The following EPHB1 variants were observed in gnomAD, a reference collection of about 807,000 sequenced individuals.
EPHB1 encodes ephrin type-B receptor 1.
EPHB1 carries 30 observed loss-of-function variants against 94.4 expected under a neutral mutation model. The observed-to-expected ratio is 0.32, with a 90% confidence interval of 0.24 to 0.43. EPHB1 has a LOEUF of 0.43. Ranked by LOEUF, EPHB1 falls within the 20% of genes least tolerant of loss-of-function variation. EPHB1 has a pLI of 1.00. For synonymous variants in EPHB1, 522 were observed against 489.1 expected (o/e 1.07, Z -0.89); for missense variants, 1,055 against 1,308.3 (o/e 0.81, Z 2.99).
At chr3:135,126,922 G>T (rs1940230764) in intron 4 of EPHB1, among the ~76,000 whole-genome samples, 1 of 152,126 alleles carries the variant, frequency 6.6e-6, no homozygotes, top group Non-Finnish European at 1.5e-5. Flanking sequence ...GCTGAATTAG[G>T]TCAGTCTTAA....
At chr3:134,871,115 G>C (rs2037490111) in intron 1 of EPHB1, among the ~76,000 whole-genome samples, 1 of 152,114 alleles carries the variant, frequency 6.6e-6, no homozygotes. Flanking sequence ...TAGGCTAGAG[G>C]GAAGTCATAA....
At chr3:135,102,152 C>T (rs1299941115) in intron 3 of EPHB1, among the ~76,000 whole-genome samples, 2 of 152,182 alleles carry the variant, frequency 1.3e-5, no homozygotes, top group African/African-American at 4.8e-5. Context: ...CCTTAAGTTG[C>T]CTGAAAGTGC....
chr3:135,258,147 A>G (rs948410389), intron 15 of EPHB1, among the ~76,000 whole-genome samples: 1 of 152,184 alleles, frequency 6.6e-6, no homozygotes, highest in Non-Finnish European at 1.5e-5. Context: ...TCAGATGGAA[A>G]TGCAGAAATC....
chr3:135,164,451 G>A (rs1395190638), intron 7 of EPHB1, among the ~76,000 whole-genome samples: 1 of 152,186 alleles, frequency 6.6e-6, no homozygotes, highest in Non-Finnish European at 1.5e-5. Flanking sequence ...GGAGGGGTCT[G>A]GAAACAGTCA....
Position 134,850,073 on chromosome 3 carries a change from T to A in EPHB1, c.58+54384T>A, listed in dbSNP as rs1025400186. On this transcript the variant is annotated intron_variant, in intron 1 of 15. Transcript: ENST00000398015. ...TCTCAACTGCTTCTGAGGGGCTGTG[T>A]ACTGTGGCTCCAGGGAAGACAGGGC... 8.5e-5 allele frequency among the ~76,000 whole-genome samples: 13 copies of A among 152,286 alleles called. No homozygotes were observed. In the East Asian group the frequency reaches 2.5e-3, roughly 29 times the overall value.
chr3:135,236,468 T>C (rs1390107762), intron 12 of EPHB1, among the ~76,000 whole-genome samples: 1 of 152,190 alleles, frequency 6.6e-6, no homozygotes, highest in Non-Finnish European at 1.5e-5. Flanking sequence ...ATGTCTTTTG[T>C]GGGGATATAA....
intron 3 of EPHB1, among the ~76,000 whole-genome samples, chr3:135,005,936 G>A (rs890635935): frequency 2.0e-5 from 3 of 152,180 alleles, no homozygotes; most frequent in Non-Finnish European, 4.4e-5. Flanking sequence ...GCTCAGGCTG[G>A]GAGCTGTAGA....
chr3:135,100,030 G>A (rs556630203), intron 3 of EPHB1, among the ~76,000 whole-genome samples: 1 of 152,174 alleles, frequency 6.6e-6, no homozygotes. Context: ...TTAAGCAGGG[G>A]ATGAATATTC....
rs765393605 is a variant in EPHB1 at position 135,249,408 on chromosome 3, C to T, written c.2763C>T (p.Ser921=). 7.8e-5 allele frequency: 126 copies of T among 1,613,906 alleles called. No individual in the cohort carries two copies. Among genetic ancestry groups the T allele is most frequent in the East Asian group, 1.6e-4 (7 of 44,898 alleles). ...TTACCACCGTGGATGACTGGCTCAG[C>T]GCCATCAAAATGGTCCAGTACAGGG... The part of the protein sequence containing the change: ...TAFTTVDDWL[S]AIKMVQYRDS... The change falls in exon 15 of 16, where the codon AGC becomes AGT. Residue 921 remains serine (S), a synonymous_variant. Coordinates refer to ENST00000398015, the MANE Select transcript of EPHB1 (RefSeq NM_004441.5).
intron 4 of EPHB1, 75 bp from the exon 5 acceptor site, chr3:135,132,639 C>G (rs902534364): frequency 7.3e-7 from 1 of 1,367,064 alleles, no homozygotes; most frequent in Non-Finnish European, 9.9e-7. Flanking sequence ...GGGAATGCAC[C>G]AGAGGCAGAC....
chr3:135,126,293 TA>T (rs1250644755), intron 4 of EPHB1, among the ~76,000 whole-genome samples: 2 of 152,220 alleles, frequency 1.3e-5, no homozygotes, highest in African/African-American at 4.8e-5. Flanking sequence ...TGACTGATAA[TA>T]CCTAGGAGTC....
At chr3:135,053,037 A>ATATG (rs1379632202) in intron 3 of EPHB1, among the ~76,000 whole-genome samples, 1 of 132,106 alleles carries the variant, frequency 7.6e-6, no homozygotes, top group Non-Finnish European at 1.6e-5. Flanking sequence ...GTATATATAT[A>ATATG]TATATATATA....
intron 3 of EPHB1, among the ~76,000 whole-genome samples, chr3:135,009,375 T>C (rs1267531881): frequency 1.3e-5 from 2 of 152,210 alleles, no homozygotes; most frequent in East Asian, 3.8e-4. Flanking sequence ...CAGAAAGTCA[T>C]GTATTAAAGG....
intron 12 of EPHB1, among the ~76,000 whole-genome samples, chr3:135,208,291 G>GTGTGTGTT (rs1942952362): frequency 1.8e-4 from 2 of 11,206 alleles, no homozygotes; most frequent in East Asian, 0.029. Context: ...CTTTCATGAC[G>GTGTGTGTT]TGTGTGTGTG....
chr3:134,888,771 G>C (rs181636186), intron 1 of EPHB1, among the ~76,000 whole-genome samples: 1 of 152,036 alleles, frequency 6.6e-6, no homozygotes, highest in Non-Finnish European at 1.5e-5. Context: ...TCTTCCCAGA[G>C]GGCCAGTGTA....
chr3:134,886,009 G>T lies in EPHB1; in HGVS notation c.59-39807G>T, dbSNP rs571746425. Among the ~76,000 whole-genome samples the T allele has an allele frequency of 5.3e-5, 8 of 152,324 alleles. No homozygotes were observed. In the South Asian group the frequency reaches 8.3e-4, roughly 16 times the overall value. On this transcript the variant is annotated intron_variant, in intron 1 of 15. Transcript: ENST00000398015. ...TGATGCCTCATGGAGCTGAGCATCGGTTTAAGAGTTGGTTAATTAAAAACA... is the reference window on the plus strand; with the variant it reads ...TGATGCCTCATGGAGCTGAGCATCGTTTTAAGAGTTGGTTAATTAAAAACA...
intron 3 of EPHB1, among the ~76,000 whole-genome samples, chr3:134,976,758 G>T (rs1200978116): frequency 6.6e-6 from 1 of 152,132 alleles, no homozygotes; most frequent in Non-Finnish European, 1.5e-5. Flanking sequence ...GTTAGGGCTT[G>T]TCCTTCAACA....
At chr3:135,047,710 A>G (rs1258014318) in intron 3 of EPHB1, among the ~76,000 whole-genome samples, 2 of 152,148 alleles carry the variant, frequency 1.3e-5, no homozygotes, top group Non-Finnish European at 2.9e-5. Context: ...ACAAACATTT[A>G]CTTACACCCT....
intron 12 of EPHB1, among the ~76,000 whole-genome samples, chr3:135,215,161 C>T (rs1303912030): frequency 1.3e-5 from 2 of 151,452 alleles, no homozygotes; most frequent in Non-Finnish European, 2.9e-5. Flanking sequence ...TTCTTTTTTT[C>T]TTTTTTCTTT....
Sources: allele counts gnomAD v4.1 joint callset (sites outside exome capture counted in the v4.1 genomes callset), GRCh38; gene constraint gnomAD v4.1.1; transcripts MANE v1.5; gene names NCBI Gene and HGNC (gene_info 2026-07-23, HGNC 2026-07-21).